IGSF23: variants seen among roughly 807,000 people sequenced by gnomAD.
IGSF23 encodes the protein immunoglobulin superfamily, member 23.
IGSF23 carries 14 observed loss-of-function variants against 17.8 expected under a neutral mutation model. That is an observed-to-expected ratio of 0.79 (90% CI 0.52 to 1.23). The LOEUF is 1.23. IGSF23 is among the 50% of genes most tolerant of loss of function. IGSF23 has a pLI of 0.00. For missense variants in IGSF23, 214 were observed against 241.7 expected, an observed-to-expected ratio of 0.89 and a Z score of 0.76; for synonymous variants, 85 against 92.5, an observed-to-expected ratio of 0.92 and a Z score of 0.46.
chr19:44,620,342 T>TGC (rs1491339480), intron 1 of IGSF23, among the ~76,000 whole-genome samples: 1 of 4,388 alleles, frequency 2.3e-4, no homozygotes, highest in African/African-American at 1.3e-3. Context: ...TGACTAATTT[T>TGC]GTGTGTGTGT....
chr19:44,614,068 C>T (rs1972313880), intron 1 of IGSF23: 18 of 1,215,600 alleles, frequency 1.5e-5, no homozygotes, highest in East Asian at 7.8e-5. Flanking sequence ...AAGTCACCCC[C>T]ACTCAGAGCT....
intron 1 of IGSF23, among the ~76,000 whole-genome samples, chr19:44,616,572 C>T (rs1373292289): frequency 2.0e-5 from 3 of 151,782 alleles, no homozygotes; most frequent in African/African-American, 4.8e-5. Context: ...TGGCGCACGC[C>T]TGTAGTCCCA....
intron 1 of IGSF23, among the ~76,000 whole-genome samples, chr19:44,615,398 C>G (rs56302417): frequency 6.6e-6 from 1 of 151,746 alleles, no homozygotes; most frequent in Non-Finnish European, 1.5e-5. Flanking sequence ...CCAAGGCGGG[C>G]GGATCATCTG....
At chr19:44,626,473 T>A (rs1383518685) in intron 2 of IGSF23, among the ~76,000 whole-genome samples, 1 of 152,100 alleles carries the variant, frequency 6.6e-6, no homozygotes, top group Non-Finnish European at 1.5e-5. Context: ...TTCACAAGAC[T>A]TACAGTCCAG....
At chr19:44,635,908 A>G (rs936834613) in intron 4 of IGSF23, among the ~76,000 whole-genome samples, 2 of 152,122 alleles carry the variant, frequency 1.3e-5, no homozygotes, top group African/African-American at 2.4e-5. Context: ...TGGGTCATCC[A>G]TTTGGGCTGG....
At chr19:44,618,275 T>C (rs1246969954) in intron 1 of IGSF23, 2 of 447,348 alleles carry the variant, frequency 4.5e-6, no homozygotes, top group Non-Finnish European at 9.2e-6. Context: ...TCCCAGGACC[T>C]GCTCACACTG....
At position 44,623,912 on chromosome 19, in the gene IGSF23, T is replaced by G. The variant is rs1469688527; in HGVS notation, c.331T>G (p.Cys111Gly). The G allele has an allele frequency of 1.3e-6, 2 of 1,550,776 alleles. No homozygotes were observed. Among genetic ancestry groups the G allele is most frequent in the East Asian group, 4.9e-5 (2 of 40,910 alleles). The change falls in exon 2 of 5, where the codon TGC becomes GGC. Residue 111 changes from cysteine (C) to glycine (G), a missense_variant. Cys to Gly is a radical substitution (Grantham distance 159, BLOSUM62 -3). Transcript: ENST00000402988. ...CTGTGAGCAGCTGGGCACCTACATG[T>G]GCATAGCCACAAACAGCAAGAAACA... Reference protein sequence around the residue: ...LSCEQLGTYMCIATNSKKQLV... With the variant: ...LSCEQLGTYMGIATNSKKQLV...
At chr19:44,616,126 A>AAGC (rs147738249) in intron 1 of IGSF23, among the ~76,000 whole-genome samples, 11,910 of 152,182 alleles carry the variant, frequency 0.078, 493 homozygotes, top group Middle Eastern at 0.14. Context: ...TGACCAGGAC[A>AAGC]AGCGTAGGGG....
intron 4 of IGSF23, among the ~76,000 whole-genome samples, chr19:44,635,973 T>C (rs1262949004): frequency 6.6e-6 from 1 of 152,170 alleles, no homozygotes; most frequent in Non-Finnish European, 1.5e-5. Context: ...CTGGGGTCAG[T>C]TGACAGATTG....
At chr19:44,626,111 C>T (rs1420976948) in intron 2 of IGSF23, among the ~76,000 whole-genome samples, 3 of 151,958 alleles carry the variant, frequency 2.0e-5, no homozygotes, top group African/African-American at 4.8e-5. Context: ...AGGAACTGGC[C>T]AGGAGAGAAG....
chr19:44,634,028 C>T (rs974673119), intron 3 of IGSF23, among the ~76,000 whole-genome samples: 1 of 152,210 alleles, frequency 6.6e-6, no homozygotes, highest in African/African-American at 2.4e-5. Context: ...ATCCTATTGT[C>T]CCCGCTAACA....
intron 2 of IGSF23, 83 bp downstream of exon 2, chr19:44,624,055 T>G: frequency 8.0e-7 from 1 of 1,246,116 alleles, no homozygotes; most frequent in Non-Finnish European, 1.1e-6. Context: ...ATGATTCCAT[T>G]AAGCCACCTA....
chr19:44,616,356 G>C (rs846892), intron 1 of IGSF23, among the ~76,000 whole-genome samples: 6,010 of 152,130 alleles, frequency 0.04, 171 homozygotes, highest in Non-Finnish European at 0.054. Context: ...GTTGTTTTTT[G>C]TGATGCCTTG....
intron 3 of IGSF23, among the ~76,000 whole-genome samples, chr19:44,633,892 C>T (rs1451075061): frequency 6.6e-6 from 1 of 152,204 alleles, no homozygotes; most frequent in Non-Finnish European, 1.5e-5. Flanking sequence ...GTGCGCTCTC[C>T]TGGCTCTGCT....
intron 1 of IGSF23, 125 bp from the exon 2 acceptor site, chr19:44,623,582 A>G: frequency 9.7e-7 from 1 of 1,030,920 alleles, no homozygotes. Context: ...AAACACATTC[A>G]TGGGTGAATT....
rs1972677176 is a variant in IGSF23, at chr19:44,627,466, C to G, written c.438C>G (p.Pro146=). The G allele has an allele frequency of 6.5e-7, 1 of 1,550,368 alleles. No homozygotes were observed. Residue 146 remains proline, a synonymous_variant, in exon 3 of 5, where the codon CCC becomes CCG. Transcript: ENST00000402988. ...PTEAEPMEPD[P]TLSLSGGSAI... is the part of the protein sequence containing the mutation. The stretch of plus-strand genomic sequence containing the variant: ...AAGCAGAGCCCATGGAGCCAGACCC[C>G]ACTCTGTCCCTGTCAGGAGGCTCTG...
In IGSF23 at chr19:44,613,765, C is replaced by T. The variant is rs576641388; in HGVS notation, c.120C>T (p.Asn40=). The T allele has an allele frequency of 2.6e-6, 4 of 1,550,420 alleles. No homozygotes were observed. Among genetic ancestry groups the T allele is most frequent in the Admixed American group, 3.9e-5 (2 of 50,990 alleles). The change falls in exon 1 of 5, where the codon AAC becomes AAT. Residue 40 remains asparagine (N), a synonymous_variant. Coordinates refer to ENST00000402988, the MANE Select transcript of IGSF23 (RefSeq NM_001205280.2). Reference sequence around the variant, plus strand: ...CGGCTGGAGGTGACTTCCCAGCCAACTTGGTGTAAGTCATGTGGGGAAGTG... The same window carrying T: ...CGGCTGGAGGTGACTTCCCAGCCAATTTGGTGTAAGTCATGTGGGGAAGTG... ...KDAAGGDFPA[N]LVLQLMPLKT...
intron 1 of IGSF23, among the ~76,000 whole-genome samples, chr19:44,622,913 C>T (rs1972552076): frequency 6.6e-6 from 1 of 152,122 alleles, no homozygotes; most frequent in African/African-American, 2.4e-5. Flanking sequence ...ACATAACCTC[C>T]CCAAAGAGGT....
chr19:44,623,650 C>T lies in IGSF23; in HGVS notation c.126-57C>T, dbSNP rs1171274008. 2.0e-6 allele frequency: 3 copies of T among 1,494,110 alleles called. No homozygotes were observed. The African/African-American group carries it at 4.2e-5, about 21-fold the overall frequency. The allele number at this position is 1,494,110 out of a possible 1,614,324, so 92.6% of individuals were successfully genotyped here. On this transcript the variant is annotated intron_variant, in intron 1 of 4. Coordinates refer to ENST00000402988, the MANE Select transcript of IGSF23 (RefSeq NM_001205280.2). ...TCTCTATGGTGGGCAGAAGAAATGCCCAGCTTTTCTGAGTGGACTCCACTC... is the reference window on the plus strand; with the variant it reads ...TCTCTATGGTGGGCAGAAGAAATGCTCAGCTTTTCTGAGTGGACTCCACTC...
Sources: allele counts gnomAD v4.1 joint callset (sites outside exome capture counted in the v4.1 genomes callset), GRCh38; gene constraint gnomAD v4.1.1; transcripts MANE v1.5; gene names NCBI Gene and HGNC (gene_info 2026-07-23, HGNC 2026-07-21).